Variants in NTN4 observed in about 807,000 individuals in gnomAD.
NTN4 encodes the protein netrin-4.
A neutral mutation model predicts 73.6 loss-of-function variants in NTN4; 32 were observed. The ratio of observed to expected loss-of-function variants is 0.44; its 90% CI spans 0.33 to 0.58. The LOEUF (loss-of-function observed/expected upper bound fraction) is 0.58, where lower values mean the gene tolerates loss of function less well. Among genes scored for constraint, NTN4 ranks in the 20% least tolerant of loss-of-function variants. NTN4 has a pLI of 0.04. For missense variants in NTN4, 654 were observed against 798.3 expected (o/e 0.82, Z 2.18); for synonymous variants, 258 against 287.5 (o/e 0.90, Z 1.04).
intron 2 of NTN4, among the ~76,000 whole-genome samples, chr12:95,749,187 C>G (rs530486363): frequency 6.6e-6 from 1 of 152,300 alleles, no homozygotes; most frequent in African/African-American, 2.4e-5. Flanking sequence ...CGCTGACTCT[C>G]TTTTTGGACT....
intron 2 of NTN4, among the ~76,000 whole-genome samples, chr12:95,772,940 A>T (rs1414849032): frequency 6.6e-6 from 1 of 152,022 alleles, no homozygotes; most frequent in Non-Finnish European, 1.5e-5. Context: ...CGTACTAAAA[A>T]TAGATAATAT....
intron 7 of NTN4, among the ~76,000 whole-genome samples, chr12:95,682,057 C>CTTTTTTTTGTTTT: frequency 1.5e-5 from 1 of 64,540 alleles, no homozygotes; most frequent in Middle Eastern, 0.018. Flanking sequence ...ATTCAGTAGG[C>CTTTTTTTTGTTTT]TTTTTTTTTT....
intron 4 of NTN4, among the ~76,000 whole-genome samples, chr12:95,712,787 CTTT>C (rs35614636): frequency 9.5e-5 from 10 of 105,710 alleles, no homozygotes; most frequent in East Asian, 5.4e-4. Flanking sequence ...TTCTTTCTTT[CTTT>C]TTTTTTTTTT....
At chr12:95,736,554 G>A (rs970715371) in intron 3 of NTN4, among the ~76,000 whole-genome samples, 1 of 152,134 alleles carries the variant, frequency 6.6e-6, no homozygotes, top group East Asian at 1.9e-4. Context: ...AGGTTGACAT[G>A]TCTCTAAATA....
At position 95,658,308 on chromosome 12, in the gene NTN4, A is replaced by G. The variant is rs1013256562; in HGVS notation, c.*778T>C. The stretch of plus-strand genomic sequence containing the variant: ...AAGTCTCTTCTGGTTTAGTTTTTTA[A>G]AAAGTTTCATCATGGCTGTCATCTT... On this transcript the variant is annotated 3_prime_UTR_variant, in exon 10 of 10. Transcript: ENST00000343702. The G allele has an allele frequency of 2.0e-5, 3 of 152,222 alleles. No individual in the cohort carries two copies. Among genetic ancestry groups the G allele is most frequent in the African/African-American group, 7.2e-5 (3 of 41,458 alleles). The allele number at this position is 152,222 out of a possible 1,614,324, so 9.4% of individuals were successfully genotyped here.
intron 2 of NTN4, among the ~76,000 whole-genome samples, chr12:95,757,436 A>C (rs996904875): frequency 1.3e-5 from 2 of 152,210 alleles, no homozygotes; most frequent in African/African-American, 4.8e-5. Flanking sequence ...GTTTGGTTAT[A>C]GAATACATAG....
intron 5 of NTN4, among the ~76,000 whole-genome samples, chr12:95,695,603 G>A (rs550116987): frequency 6.6e-6 from 1 of 152,120 alleles, no homozygotes; most frequent in Non-Finnish European, 1.5e-5. Context: ...GACCGCAAGT[G>A]ATCTGCCCGC....
At chr12:95,785,399 G>A (rs2079159952) in intron 2 of NTN4, among the ~76,000 whole-genome samples, 1 of 152,148 alleles carries the variant, frequency 6.6e-6, no homozygotes, top group Non-Finnish European at 1.5e-5. Flanking sequence ...TTCCTGTCGT[G>A]GTATCTTTAA....
chr12:95,691,396 G>GTTGT (rs1396189556), intron 5 of NTN4, among the ~76,000 whole-genome samples: 1 of 152,124 alleles, frequency 6.6e-6, no homozygotes, highest in Non-Finnish European at 1.5e-5. Flanking sequence ...TGTCTTTGTT[G>GTTGT]TTGTTTGTTT....
At chr12:95,787,547 G>A in intron 1 of NTN4, 79 bp from the exon 2 acceptor site, 1 of 1,400,438 alleles carries the variant, frequency 7.1e-7, no homozygotes, top group Non-Finnish European at 9.8e-7. Context: ...ATCAACAACA[G>A]TCAAGGATCT....
intron 2 of NTN4, among the ~76,000 whole-genome samples, chr12:95,774,849 A>T (rs2079080675): frequency 6.6e-6 from 1 of 152,210 alleles, no homozygotes; most frequent in Admixed American, 6.5e-5. Flanking sequence ...TTACTCTCTC[A>T]CCCAGTAGGT....
chr12:95,788,790 G>C (rs932230087), intron 1 of NTN4, among the ~76,000 whole-genome samples: 93 of 152,120 alleles, frequency 6.1e-4, no homozygotes, highest in African/African-American at 2.2e-3. Context: ...TTTCTCATTA[G>C]CTGGGGCAAC....
intron 2 of NTN4, among the ~76,000 whole-genome samples, chr12:95,769,201 G>A (rs1049508017): frequency 1.3e-5 from 2 of 152,184 alleles, no homozygotes; most frequent in Non-Finnish European, 2.9e-5. Flanking sequence ...GAGTTCAGCT[G>A]TCTAGCCGAA....
At chr12:95,750,110 T>C (rs911004599) in intron 2 of NTN4, among the ~76,000 whole-genome samples, 8 of 152,004 alleles carry the variant, frequency 5.3e-5, no homozygotes, top group Admixed American at 6.6e-5. Context: ...CAATCCCTTA[T>C]TTCCACGCCC....
intron 2 of NTN4, among the ~76,000 whole-genome samples, chr12:95,759,563 T>C (rs56051214): frequency 0.55 from 81,631 of 148,840 alleles, 22,616 homozygotes; most frequent in East Asian, 0.68. Context: ...TGGGTTCAAG[T>C]GATTCTCCTG....
At chr12:95,750,882 C>T (rs566219966) in intron 2 of NTN4, among the ~76,000 whole-genome samples, 4 of 152,166 alleles carry the variant, frequency 2.6e-5, no homozygotes, top group South Asian at 2.1e-4. Context: ...AGTTTCCTTC[C>T]GTGACTAGCC....
chr12:95,774,984 G>A (rs1392870052), intron 2 of NTN4, among the ~76,000 whole-genome samples: 3 of 152,208 alleles, frequency 2.0e-5, no homozygotes, highest in Non-Finnish European at 1.5e-5. Flanking sequence ...AGGAAACACA[G>A]ATTTCAGCTG....
chr12:95,722,163 G>T (rs536715277), intron 3 of NTN4, among the ~76,000 whole-genome samples: 1 of 146,164 alleles, frequency 6.8e-6, no homozygotes, highest in African/African-American at 2.5e-5. Flanking sequence ...GGCCACTTTT[G>T]TAAAAATTAG....
intron 3 of NTN4, among the ~76,000 whole-genome samples, chr12:95,720,761 T>C (rs954249023): frequency 6.6e-6 from 1 of 152,184 alleles, no homozygotes; most frequent in African/African-American, 2.4e-5. Context: ...TCCTCATGCG[T>C]AGTGGTCATC....
Sources: gnomAD v4.1 joint callset for allele counts (sites outside exome capture counted in the v4.1 genomes callset) on GRCh38, gnomAD v4.1.1 for gene constraint, MANE v1.5 for transcripts, NCBI Gene and HGNC (gene_info 2026-07-23, HGNC 2026-07-21) for gene names.